Variants in NRCAM observed in about 807,000 individuals in gnomAD.
NRCAM encodes the protein NgCAM-related cell adhesion molecule.
NRCAM carries 83 observed loss-of-function variants against 156.5 expected under a neutral mutation model. The ratio of observed to expected loss-of-function variants is 0.53; its 90% CI spans 0.44 to 0.64. The LOEUF (loss-of-function observed/expected upper bound fraction) is 0.64. NRCAM is among the 30% of genes least tolerant of loss of function. The pLI, the probability that NRCAM is intolerant of heterozygous loss-of-function variation, is 0.00. For missense variants in NRCAM, 1,417 were observed against 1,597.3 expected (o/e 0.89, Z 1.92); for synonymous variants, 538 against 563.9 (o/e 0.95, Z 0.65).
intron 1 of NRCAM, among the ~76,000 whole-genome samples, chr7:108,410,830 C>G (rs1794453586): frequency 6.6e-6 from 1 of 152,110 alleles, no homozygotes; most frequent in Non-Finnish European, 1.5e-5. Context: ...TATACTAGTT[C>G]TATCTTGGGT....
chr7:108,157,500 T>C (rs77215888), intron 32 of NRCAM, among the ~76,000 whole-genome samples: 198 of 152,278 alleles, frequency 1.3e-3, no homozygotes, highest in African/African-American at 4.6e-3. Context: ...TCACAGGCAA[T>C]GGCTGAGTTG....
intron 5 of NRCAM, among the ~76,000 whole-genome samples, chr7:108,236,694 A>T (rs1000927190): frequency 6.6e-6 from 1 of 152,242 alleles, no homozygotes; most frequent in Non-Finnish European, 1.5e-5. Context: ...CAGCTATTTT[A>T]AAATTATTAT....
chr7:108,276,561 CTT>C (rs376238776), intron 3 of NRCAM, among the ~76,000 whole-genome samples: 4 of 145,006 alleles, frequency 2.8e-5, no homozygotes, highest in Admixed American at 6.9e-5. Flanking sequence ...GTAACTCCTG[CTT>C]TTTTTTTTTG....
intron 1 of NRCAM, among the ~76,000 whole-genome samples, chr7:108,443,718 G>A (rs921258008): frequency 1.3e-5 from 2 of 152,108 alleles, no homozygotes; most frequent in African/African-American, 4.8e-5. Context: ...AATCGAAAAA[G>A]GTAATCAACT....
At chr7:108,179,930 T>A (rs2062590217) in intron 25 of NRCAM, among the ~76,000 whole-genome samples, 2 of 152,296 alleles carry the variant, frequency 1.3e-5, no homozygotes, top group Admixed American at 1.3e-4. Flanking sequence ...AAGTTAATGA[T>A]CCAAATAAAT....
chr7:108,276,852 A>G (rs1378306693), intron 3 of NRCAM, among the ~76,000 whole-genome samples: 1 of 151,762 alleles, frequency 6.6e-6, no homozygotes, highest in Admixed American at 6.6e-5. Context: ...ACAATTTGTC[A>G]TGCTTTTGCA....
intron 2 of NRCAM, among the ~76,000 whole-genome samples, chr7:108,347,124 G>GAA (rs2099362945): frequency 7.5e-6 from 1 of 134,178 alleles, no homozygotes; most frequent in African/African-American, 2.8e-5. Flanking sequence ...TGCAAGCACT[G>GAA]CCTCCCGGGT....
At chr7:108,159,877 G>A (rs893722114) in intron 31 of NRCAM, among the ~76,000 whole-genome samples, 18 of 152,088 alleles carry the variant, frequency 1.2e-4, no homozygotes, top group African/African-American at 4.3e-4. Flanking sequence ...TTCTCTCACA[G>A]ATTTTTTTTT....
At chr7:108,163,748 C>A (rs994164920) in intron 30 of NRCAM, among the ~76,000 whole-genome samples, 1 of 149,296 alleles carries the variant, frequency 6.7e-6, no homozygotes, top group Non-Finnish European at 1.5e-5. Flanking sequence ...CAGGGAGTGG[C>A]GCTAATGAGC....
Position 108,207,605 on chromosome 7 carries a change from T to C in NRCAM, c.1130A>G (p.Asp377Gly), listed in dbSNP as rs2081851821. The C allele has an allele frequency of 3.7e-6, 6 of 1,613,896 alleles. No individual in the cohort carries two copies. The highest frequency in any genetic ancestry group is 3.3e-4 in the Middle Eastern group (2 of 6,058). The change falls in exon 13 of 33, where the codon GAT (aspartate) becomes GGT (glycine). Residue 377 changes from aspartate to glycine, a missense_variant. Coordinates refer to ENST00000379028, the MANE Select transcript of NRCAM (RefSeq NM_001037132.4). ...PQNLVLSPGE[D>G]GTLICRANGN... ...ATTAGCTCTGCAGATCAAGGTCCCA[T>C]CCTCTCCTGGGGACAGCACAAGATT...
chr7:108,451,869 T>A (rs914423662), intron 1 of NRCAM, among the ~76,000 whole-genome samples: 1 of 152,216 alleles, frequency 6.6e-6, no homozygotes. Context: ...TGGAGAGGTA[T>A]AGTGGTGATG....
intron 2 of NRCAM, among the ~76,000 whole-genome samples, chr7:108,335,455 T>TTTTTC (rs2099171992): frequency 1.4e-5 from 2 of 145,714 alleles, no homozygotes; most frequent in African/African-American, 2.6e-5. Flanking sequence ...TTTTTTTTTT[T>TTTTTC]TTTTCAGTTT....
chr7:108,196,240 G>A (rs116604516), intron 14 of NRCAM, among the ~76,000 whole-genome samples: 111 of 152,284 alleles, frequency 7.3e-4, no homozygotes, highest in African/African-American at 2.3e-3. Flanking sequence ...GGGTAGGAAC[G>A]GTGGGGAACA....
intron 11 of NRCAM, among the ~76,000 whole-genome samples, chr7:108,218,810 C>A (rs573151935): frequency 1.3e-5 from 2 of 152,164 alleles, no homozygotes; most frequent in South Asian, 2.1e-4. Context: ...ACTAGAGAAA[C>A]AAGAACAAAC....
intron 3 of NRCAM, among the ~76,000 whole-genome samples, chr7:108,308,437 G>A (rs1000844462): frequency 2.0e-5 from 3 of 152,216 alleles, no homozygotes; most frequent in African/African-American, 7.2e-5. Flanking sequence ...GCCCTTTGGT[G>A]TATAAATGCT....
rs760753636 is a variant in NRCAM at position 108,182,788 on chromosome 7, T to C, written c.2437A>G (p.Thr813Ala). Residue 813 changes from threonine (T) to alanine (A), a missense_variant, in exon 23 of 33, where the codon ACC becomes GCC. Thr to Ala is a moderately conservative substitution (Grantham distance 58, BLOSUM62 0). Coordinates refer to ENST00000379028, the MANE Select transcript of NRCAM (RefSeq NM_001037132.4). ...VSKYIVSGTP[T>A]FVPYLIKVQA... ...ACTTTGATCAGGTATGGAACAAAGG[T>C]TGGCGTGCCTGAGACAATATATTTG... is the stretch of plus-strand genomic sequence containing the variant. 5.0e-6 allele frequency: 8 copies of C among 1,614,110 alleles called. No homozygotes were observed. The highest frequency in any genetic ancestry group is 6.8e-6 in the Non-Finnish European group (8 of 1,180,060).
At chr7:108,221,778 A>G (rs966599466) in intron 11 of NRCAM, among the ~76,000 whole-genome samples, 2 of 152,182 alleles carry the variant, frequency 1.3e-5, no homozygotes, top group African/African-American at 4.8e-5. Context: ...GGGTGCACCA[A>G]AATCTCACAA....
chr7:108,361,477 A>C (rs2099550408), intron 2 of NRCAM, among the ~76,000 whole-genome samples: 1 of 152,180 alleles, frequency 6.6e-6, no homozygotes, highest in African/African-American at 2.4e-5. Context: ...GAATTGAACA[A>C]AGAGGCTGAC....
At position 108,194,145 on chromosome 7, in the gene NRCAM, C is replaced by A; in HGVS notation, c.1657G>T (p.Glu553Ter). Reference sequence around the variant, plus strand: ...CTCCCTCTTTGCACAACTGCATATTCGGGCTGTTTAACGATCCATGTAGGA... The same window carrying A: ...CTCCCTCTTTGCACAACTGCATATTAGGGCTGTTTAACGATCCATGTAGGA... ...KDPTWIVKQP[E>*]YAVVQRGSMV... Residue 553 changes from glutamate to a stop codon, truncating the protein, a stop_gained, in exon 17 of 33, where the codon GAA becomes TAA. Transcript: ENST00000379028. LOFTEE classifies it high-confidence loss of function. The A allele has an allele frequency of 6.2e-7, 1 of 1,614,074 alleles. No homozygotes were observed. The highest frequency in any genetic ancestry group is 8.5e-7 in the Non-Finnish European group (1 of 1,179,924).
Sources: allele counts gnomAD v4.1 joint callset (sites outside exome capture counted in the v4.1 genomes callset), GRCh38; gene constraint gnomAD v4.1.1; transcripts MANE v1.5; gene names NCBI Gene and HGNC (gene_info 2026-07-23, HGNC 2026-07-21).